PMS2: variants seen among roughly 807,000 people sequenced by gnomAD.
The protein encoded by PMS2 is mismatch repair endonuclease PMS2.
PMS2 carries 69 observed loss-of-function variants against 90.0 expected under a neutral mutation model. That is an observed-to-expected ratio of 0.77 (90% CI 0.63 to 0.94). The LOEUF (loss-of-function observed/expected upper bound fraction) is 0.94, where lower values mean the gene tolerates loss of function less well. PMS2 is among the 40% of genes least tolerant of loss of function. The pLI is 0.00. For missense variants in PMS2, 966 were observed against 1,040.2 expected (o/e 0.93, Z 0.98); for synonymous variants, 332 against 375.1 (o/e 0.89, Z 1.33).
In PMS2 at chr7:5,977,991, G is replaced by A. The variant is rs1781889175; in HGVS notation, c.2276-234C>T. On this transcript the variant is annotated intron_variant, in intron 13 of 14. Coordinates refer to ENST00000265849, the MANE Select transcript of PMS2 (RefSeq NM_000535.7). ...AAAAATTAGCTGGGTGTGGTGGCAG[G>A]CACCTGTAGTCCCAGCTACTCGGGA... Among the ~76,000 whole-genome samples, 3 of 150,064 alleles carry A rather than the reference G, an allele frequency of 2.0e-5. No individual in the cohort carries two copies. In the South Asian group the frequency reaches 6.4e-4, roughly 32 times the overall value.
intron 9 of PMS2, among the ~76,000 whole-genome samples, chr7:5,991,218 C>T (rs552970569): frequency 6.6e-6 from 1 of 151,756 alleles, no homozygotes; most frequent in Non-Finnish European, 1.5e-5. Context: ...ACATTCACAT[C>T]TAAGGATAAA....
At position 5,987,449 on chromosome 7, in the gene PMS2, G is replaced by A. The variant is rs1187749040; in HGVS notation, c.1316C>T (p.Thr439Ile). The A allele has an allele frequency of 2.5e-6, 4 of 1,614,082 alleles. No individual in the cohort carries two copies. In the South Asian group the frequency reaches 3.3e-5, roughly 13 times the overall value. Residue 439 changes from threonine (T) to isoleucine (I), a missense_variant, in exon 11 of 15, where the codon ACT (threonine) becomes ATT (isoleucine). This residue lies in a region of PMS2 where 871 missense variants were observed against 802.4 expected (regional missense o/e 1.09). Coordinates refer to ENST00000265849, the MANE Select transcript of PMS2 (RefSeq NM_000535.7). ...TAGAGGGCTCCTTCTTGGTTCTGGA[G>A]TCTTTGGGCTGTGAGGCTTGTTCTC... is the stretch of plus-strand genomic sequence containing the variant. ...TTENKPHSPK[T>I]PEPRRSPLGQ...
intron 10 of PMS2, among the ~76,000 whole-genome samples, chr7:5,989,580 T>C (rs1044429946): frequency 2.0e-5 from 3 of 152,070 alleles, no homozygotes; most frequent in African/African-American, 4.8e-5. Flanking sequence ...GGCAGGAAGA[T>C]GGCCTGAGCC....
intron 10 of PMS2, among the ~76,000 whole-genome samples, chr7:5,988,888 C>T (rs1362452531): frequency 1.3e-5 from 2 of 152,044 alleles, no homozygotes; most frequent in Non-Finnish European, 2.9e-5. Flanking sequence ...CGGAGTCTCG[C>T]TTTGTCACCC....
At chr7:5,991,912 A>T in intron 9 of PMS2, 61 bp downstream of exon 9, 1 of 840,600 alleles carries the variant, frequency 1.2e-6, no homozygotes, top group Non-Finnish European at 2.1e-6. Context: ...GAGCTGTAGA[A>T]TTTCATTTTA....
At chr7:5,989,699 G>A in intron 10 of PMS2, 101 bp downstream of exon 10, 2 of 849,338 alleles carry the variant, frequency 2.4e-6, no homozygotes, top group South Asian at 1.5e-5. Flanking sequence ...AATAATATAA[G>A]AGACTTTGTT....
At chr7:5,984,082 T>C (rs970239439) in intron 11 of PMS2, among the ~76,000 whole-genome samples, 15 of 151,852 alleles carry the variant, frequency 9.9e-5, no homozygotes, top group African/African-American at 2.9e-4. Context: ...CTGCAACAAA[T>C]ACTTCTGTGC....
In PMS2 at chr7:5,989,786, T is replaced by C. The variant is rs1201720145; in HGVS notation, c.1144+14A>G. The C allele has an allele frequency of 1.2e-6, 2 of 1,604,544 alleles. No homozygotes were observed. Among genetic ancestry groups the C allele is most frequent in the Non-Finnish European group, 1.7e-6 (2 of 1,171,998 alleles). ...AAAGCTTTAGAAGCTGTTTGTACACTGTATTTTTCTTACCTTCAACATCCA... is the reference window on the plus strand; with the variant it reads ...AAAGCTTTAGAAGCTGTTTGTACACCGTATTTTTCTTACCTTCAACATCCA... On this transcript the variant is annotated intron_variant, in intron 10 of 14. Coordinates refer to ENST00000265849, the MANE Select transcript of PMS2 (RefSeq NM_000535.7).
chr7:5,985,606 T>G (rs990954514), intron 11 of PMS2, among the ~76,000 whole-genome samples: 1 of 149,516 alleles, frequency 6.7e-6, no homozygotes, highest in Non-Finnish European at 1.5e-5. Flanking sequence ...CAGGCTGGAG[T>G]GCAATGGTGC....
rs1583334058 is a variant in PMS2 at position 5,989,815 on chromosome 7, G to C, written c.1129C>G (p.Leu377Val). ...VNKLNVSQQP[L>V]LDVEGNLIKM... ...TTTTTCTTACCTTCAACATCCAGCAGTGGCTGCTGACTGACATTTAGCTTG... is the reference window on the plus strand; with the variant it reads ...TTTTTCTTACCTTCAACATCCAGCACTGGCTGCTGACTGACATTTAGCTTG... The change falls in exon 10 of 15, where the codon CTG becomes GTG. Residue 377 changes from leucine (L) to valine (V), a missense_variant. By Grantham distance (32) the Leu-to-Val change is conservative. Transcript: ENST00000265849. 2 of 1,612,688 alleles carry C rather than the reference G, an allele frequency of 1.2e-6. No homozygotes were observed. The highest frequency in any genetic ancestry group is 8.5e-7 in the Non-Finnish European group (1 of 1,178,960).
chr7:6,000,377 T>TAAAAAAAAAAAAAAAAAAAAAAAA (rs67186373), intron 5 of PMS2, among the ~76,000 whole-genome samples: 1 of 122,824 alleles, frequency 8.1e-6, no homozygotes, highest in Non-Finnish European at 1.7e-5. Context: ...CTGTCTCAAT[T>TAAAAAAAAAAAAAAAAAAAAAAAA]AAAAAAAAAA....
rs2128819571 is a variant in PMS2 at position 6,002,644 on chromosome 7, A to G, written c.354-8T>C. ...GTAGAAATGGTGACATCGCTGTGAG[A>G]GAATACCAGGCATGGTGTGTTCAGT... On this transcript the variant is annotated splice_polypyrimidine_tract_variant and splice_region_variant and intron_variant, in intron 4 of 14. Transcript: ENST00000265849. 6.2e-7 allele frequency: 1 copy of G among 1,608,878 alleles called. No individual in the cohort carries two copies.
At chr7:5,988,560 C>G (rs867503097) in intron 10 of PMS2, among the ~76,000 whole-genome samples, 1 of 151,994 alleles carries the variant, frequency 6.6e-6, no homozygotes, top group Admixed American at 6.6e-5. Context: ...GAGACTCCCT[C>G]TCAAAAAAAA....
At chr7:6,006,861 G>C (rs1315243831) in intron 1 of PMS2, among the ~76,000 whole-genome samples, 1 of 152,010 alleles carries the variant, frequency 6.6e-6, no homozygotes, top group Non-Finnish European at 1.5e-5. Context: ...AGCTTTAAGA[G>C]TTTTATAAAG....
rs1562669585 is a variant in PMS2 at position 5,997,325 on chromosome 7, C to T, written c.803+1G>A. On this transcript the variant is annotated splice_donor_variant, in intron 7 of 14. Coordinates refer to ENST00000265849, the MANE Select transcript of PMS2 (RefSeq NM_000535.7). LOFTEE classifies it high-confidence loss of function. Reference sequence around the variant, plus strand: ...AGTTCTCTTGCCAGCAATCTACTTACTAAAAAAGATTATGCAGAGCATCGG... The same window carrying T: ...AGTTCTCTTGCCAGCAATCTACTTATTAAAAAAGATTATGCAGAGCATCGG... 2 of 1,450,044 alleles carry T rather than the reference C, an allele frequency of 1.4e-6. No homozygotes were observed. Among genetic ancestry groups the T allele is most frequent in the Non-Finnish European group, 1.9e-6 (2 of 1,032,482 alleles). The allele number at this position is 1,450,044 out of a possible 1,614,324, so 89.8% of individuals were successfully genotyped here. A position where few individuals can be genotyped will look rare whatever the true frequency, so the allele number is the denominator to read the frequency against.
intron 5 of PMS2, among the ~76,000 whole-genome samples, chr7:6,000,377 T>TAAAAA (rs67186373): frequency 1.6e-5 from 2 of 122,812 alleles, no homozygotes; most frequent in Non-Finnish European, 1.7e-5. Context: ...CTGTCTCAAT[T>TAAAAA]AAAAAAAAAA....
At position 6,003,812 on chromosome 7, in the gene PMS2, A is replaced by C. The variant is rs149343081; in HGVS notation, c.251-20T>G. 1.9e-3 allele frequency: 2,836 copies of C among 1,494,788 alleles called. 7 individuals are homozygous for C. The highest frequency in any genetic ancestry group is 2.5e-3 in the Non-Finnish European group (2,643 of 1,073,698). 92.6% of individuals were successfully genotyped at this position (1,494,788 alleles called of 1,614,324 possible). A position where few individuals can be genotyped will look rare whatever the true frequency, so the allele number is the denominator to read the frequency against. On this transcript the variant is annotated intron_variant, in intron 3 of 14. Coordinates refer to ENST00000265849, the MANE Select transcript of PMS2 (RefSeq NM_000535.7). Reference sequence around the variant, plus strand: ...TCAGAGCTGAAAGAGAGTGTAAAGTAAGGACTAAGATATCTCAAGTGCTAT... The same window carrying C: ...TCAGAGCTGAAAGAGAGTGTAAAGTCAGGACTAAGATATCTCAAGTGCTAT...
At chr7:6,001,434 G>C (rs534625292) in intron 5 of PMS2, among the ~76,000 whole-genome samples, 81 of 139,858 alleles carry the variant, frequency 5.8e-4, no homozygotes, top group African/African-American at 2.0e-3. Flanking sequence ...GCAATAGCTT[G>C]ATCTCGGCTC....
chr7:5,987,271 G>A lies in PMS2; in HGVS notation c.1494C>T (p.Ser498=), dbSNP rs770181766. ...TGAACCCCTCAGAATCCACGGAAGT[G>A]CTGCCGTGCCCCGAGTCCTTCTCCA... The part of the protein sequence containing the change: ...AEVEKDSGHG[S]TSVDSEGFSI... The change falls in exon 11 of 15, where the codon AGC becomes AGT. Residue 498 remains serine, a synonymous_variant. Coordinates refer to ENST00000265849, the MANE Select transcript of PMS2 (RefSeq NM_000535.7). The A allele has an allele frequency of 7.4e-6, 12 of 1,613,986 alleles. No homozygotes were observed. The East Asian group carries it at 2.7e-4, about 36-fold the overall frequency.
Sources: allele counts gnomAD v4.1 joint callset (sites outside exome capture counted in the v4.1 genomes callset), GRCh38; gene constraint gnomAD v4.1.1; regional missense constraint gnomAD v4.1.1; transcripts MANE v1.5; gene names NCBI Gene and HGNC (gene_info 2026-07-23, HGNC 2026-07-21).